The following RPP30 variants were observed in gnomAD, a reference collection of about 807,000 sequenced individuals.
The protein encoded by RPP30 is ribonuclease P/MRP subunit p30, also known as ribonuclease P protein subunit p30.
Under a neutral mutation model 38.6 loss-of-function variants are expected in RPP30, and 36 were observed. That is an observed-to-expected ratio of 0.93 (90% CI 0.71 to 1.23). The LOEUF (loss-of-function observed/expected upper bound fraction) is 1.23. Among genes scored for constraint, RPP30 ranks in the 50% most tolerant of loss-of-function variants. RPP30 has a pLI of 0.00. For missense variants in RPP30, 321 were observed against 321.7 expected, an observed-to-expected ratio of 1.00 and a Z score of 0.02; for synonymous variants, 126 against 112.7, an observed-to-expected ratio of 1.12 and a Z score of -0.75.
intron 4 of RPP30, among the ~76,000 whole-genome samples, chr10:90,876,407 C>T (rs1377227102): frequency 6.6e-6 from 1 of 152,140 alleles, no homozygotes; most frequent in Non-Finnish European, 1.5e-5. Context: ...AATCCTTGAA[C>T]TTATAAAGCT....
chr10:90,903,446 G>A (rs535626703), downstream of RPP30, among the ~76,000 whole-genome samples: 2 of 152,290 alleles, frequency 1.3e-5, no homozygotes, highest in African/African-American at 4.8e-5. Context: ...AAAATTATTT[G>A]CAGATACGAC....
At chr10:90,894,736 C>A in intron 6 of RPP30, 39 bp from the exon 7 acceptor site, 1 of 1,403,914 alleles carries the variant, frequency 7.1e-7, no homozygotes, top group Non-Finnish European at 1.0e-6. Flanking sequence ...TAGGCCAGTG[C>A]ATGCTTATCT....
intron 5 of RPP30, among the ~76,000 whole-genome samples, chr10:90,884,422 T>C (rs558943989): frequency 6.6e-6 from 1 of 152,346 alleles, no homozygotes; most frequent in South Asian, 2.1e-4. Context: ...CCAAACTTTT[T>C]TATCTTTGCC....
intron 5 of RPP30, among the ~76,000 whole-genome samples, chr10:90,881,887 CAT>C (rs1400070359): frequency 2.0e-5 from 3 of 152,236 alleles, no homozygotes; most frequent in East Asian, 1.9e-4. Flanking sequence ...CAGACAGACA[CAT>C]GTTTATGTCA....
rs1846780848 is a variant in RPP30, at chr10:90,871,997, T to C, written c.11T>C (p.Phe4Ser). The C allele has an allele frequency of 1.2e-6, 2 of 1,614,032 alleles. No homozygotes were observed. The part of the protein sequence containing the change: MAV[F>S]ADLDLRAGSD... ...TCATGGGACTTCAGCATGGCGGTGTTTGCAGATTTGGACCTGCGAGCGGGT... is the reference window on the plus strand; with the variant it reads ...TCATGGGACTTCAGCATGGCGGTGTCTGCAGATTTGGACCTGCGAGCGGGT... Residue 4 changes from phenylalanine to serine, a missense_variant, in exon 1 of 11, where the codon TTT becomes TCT. Coordinates refer to ENST00000371703, the MANE Select transcript of RPP30 (RefSeq NM_006413.5).
rs376621947 is a variant in RPP30, at chr10:90,894,778, A to G, written c.436A>G (p.Ile146Val). ...GTTCTCTTTATTTCCTGTGAAGGCG[A>G]TTGACCGAGGCCTGGCTTTTGAACT... ...YFKRPPINVA[I>V]DRGLAFELVY... Residue 146 changes from isoleucine to valine, a missense_variant, in exon 7 of 11, where the codon ATT (isoleucine) becomes GTT (valine). Ile to Val is a conservative substitution (Grantham distance 29). Transcript: ENST00000371703. The G allele has an allele frequency of 1.2e-6, 2 of 1,610,788 alleles. No homozygotes were observed. The highest frequency in any genetic ancestry group is 2.7e-5 in the African/African-American group (2 of 74,764).
intron 2 of RPP30, among the ~76,000 whole-genome samples, 158 bp downstream of exon 2, chr10:90,875,082 A>G (rs1846834114): frequency 6.6e-6 from 1 of 152,196 alleles, no homozygotes. Context: ...GAGCTGATGC[A>G]TATTTATACA....
intron 10 of RPP30, among the ~76,000 whole-genome samples, chr10:90,900,318 C>T (rs1210396599): frequency 6.6e-6 from 1 of 152,132 alleles, no homozygotes; most frequent in Admixed American, 6.5e-5. Flanking sequence ...CATGGACAGA[C>T]CATTAGAGAT....
At position 90,901,632 on chromosome 10, in the gene RPP30, A is replaced by G. The variant is rs892252351; in HGVS notation, c.*953A>G. ...AATAGCAAAGCATCGGACTGAACCA[A>G]CTTTGGAAATAATTTATTTTTATAA... On this transcript the variant is annotated 3_prime_UTR_variant, in exon 11 of 11. Coordinates refer to ENST00000371703, the MANE Select transcript of RPP30 (RefSeq NM_006413.5). 6.1e-6 allele frequency: 6 copies of G among 985,158 alleles called. No individual in the cohort carries two copies. The highest frequency in any genetic ancestry group is 7.2e-6 in the Non-Finnish European group (6 of 829,686). The allele number at this position is 985,158 out of a possible 1,614,324, so 61.0% of individuals were successfully genotyped here.
downstream of RPP30, chr10:90,902,376 T>G (rs1188344264): frequency 2.8e-6 from 1 of 359,062 alleles, no homozygotes; most frequent in South Asian, 2.0e-5. Context: ...CACCACCACA[T>G]CCCAGCTAAT....
At position 90,880,466 on chromosome 10, in the gene RPP30, G is replaced by A. The variant is rs1052731320; in HGVS notation, c.342+1332G>A. 3.3e-5 allele frequency among the ~76,000 whole-genome samples: 5 copies of A among 152,110 alleles called. No individual in the cohort carries two copies. The East Asian group carries it at 7.7e-4, about 23-fold the overall frequency. On this transcript the variant is annotated intron_variant, in intron 5 of 10. Transcript: ENST00000371703. ...TTGTAGGCCGGGCACAGTGGCTTATGCCTGTAATCCTAGCACTTTGGGAGG... is the reference window on the plus strand; with the variant it reads ...TTGTAGGCCGGGCACAGTGGCTTATACCTGTAATCCTAGCACTTTGGGAGG...
chr10:90,897,952 T>C (rs1400005713), intron 10 of RPP30, among the ~76,000 whole-genome samples: 3 of 152,218 alleles, frequency 2.0e-5, no homozygotes, highest in Non-Finnish European at 4.4e-5. Flanking sequence ...TATGCTTTTT[T>C]AGTTATTTTT....
At chr10:90,874,401 A>G (rs1846823497) in intron 1 of RPP30, among the ~76,000 whole-genome samples, 4 of 152,238 alleles carry the variant, frequency 2.6e-5, no homozygotes, top group South Asian at 4.1e-4. Flanking sequence ...GATAAAAAGC[A>G]AAAGAAATGA....
At chr10:90,883,922 A>G (rs111917963) in intron 5 of RPP30, among the ~76,000 whole-genome samples, 53 of 152,042 alleles carry the variant, frequency 3.5e-4, no homozygotes, top group African/African-American at 1.2e-3. Flanking sequence ...TAGAAATATT[A>G]TTTACCTCGT....
intron 4 of RPP30, among the ~76,000 whole-genome samples, chr10:90,877,322 T>C (rs1846865877): frequency 6.6e-6 from 1 of 151,120 alleles, no homozygotes; most frequent in African/African-American, 2.4e-5. Context: ...AAAAAAGATG[T>C]GGCCTTCAGA....
intron 5 of RPP30, among the ~76,000 whole-genome samples, chr10:90,881,883 G>C (rs1453049109): frequency 1.3e-5 from 2 of 152,068 alleles, no homozygotes. Flanking sequence ...CACACAGACA[G>C]ACACATGTTT....
intron 10 of RPP30, 55 bp from the exon 11 acceptor site, chr10:90,900,515 C>T: frequency 1.3e-6 from 2 of 1,546,802 alleles, no homozygotes; most frequent in Non-Finnish European, 8.8e-7. Flanking sequence ...TAAACCACCT[C>T]ATTTTAAATT....
chr10:90,875,703 A>C, intron 3 of RPP30, 89 bp downstream of exon 3: 1 of 1,112,750 alleles, frequency 9.0e-7, no homozygotes, highest in Admixed American at 1.7e-5. Context: ...CTTGAGCTGC[A>C]CCTTACTCTG....
At chr10:90,876,926 G>A (rs1486103781) in intron 4 of RPP30, among the ~76,000 whole-genome samples, 1 of 152,148 alleles carries the variant, frequency 6.6e-6, no homozygotes, top group East Asian at 1.9e-4. Flanking sequence ...TGAGCAGCCA[G>A]GTAGGTAATG....
Sources: gnomAD v4.1 joint callset for allele counts (sites outside exome capture counted in the v4.1 genomes callset) on GRCh38, gnomAD v4.1.1 for gene constraint, MANE v1.5 for transcripts, NCBI Gene and HGNC (gene_info 2026-07-23, HGNC 2026-07-21) for gene names.